FAM186B: variants seen among roughly 807,000 people sequenced by gnomAD.
FAM186B encodes the protein family with sequence similarity 186 member B.
A neutral mutation model predicts 83.4 loss-of-function variants in FAM186B; 68 were observed. The ratio of observed to expected loss-of-function variants is 0.81; its 90% confidence interval spans 0.67 to 1.00. FAM186B has a LOEUF of 1.00. Ranked by LOEUF, FAM186B falls within the 50% of genes least tolerant of loss-of-function variation. The probability of loss-of-function intolerance (pLI) is 0.00; values close to 1 mark genes in which losing one functional copy is unlikely to be tolerated. For missense variants in FAM186B, 983 were observed against 1,099.2 expected (o/e 0.89, Z 1.49); for synonymous variants, 389 against 422.0 (o/e 0.92, Z 0.96).
chr12:49,605,039 C>T (rs1041058092), intron 1 of FAM186B, among the ~76,000 whole-genome samples: 38 of 152,146 alleles, frequency 2.5e-4, no homozygotes, highest in African/African-American at 8.4e-4. Context: ...CTGGGCTCAG[C>T]TTGGGGGATT....
At chr12:49,613,850 C>T in the FAM186B span, among the ~76,000 whole-genome samples, 18 of 147,216 alleles carry the variant, frequency 1.2e-4, no homozygotes, top group Non-Finnish European at 2.1e-4. Flanking sequence ...AAAACAAAAA[C>T]GAACAAAATA....
chr12:49,592,943 A>G (rs1457464230), intron 5 of FAM186B, among the ~76,000 whole-genome samples: 1 of 152,230 alleles, frequency 6.6e-6, no homozygotes, highest in African/African-American at 2.4e-5. Context: ...AATAGAAATG[A>G]AGAGCAAATT....
At position 49,587,722 on chromosome 12, in the gene FAM186B, C is replaced by T. The variant is rs756972484; in HGVS notation, c.2565G>A (p.Trp855Ter). The T allele has an allele frequency of 1.9e-6, 3 of 1,614,000 alleles. No individual in the cohort carries two copies. Among genetic ancestry groups the T allele is most frequent in the South Asian group, 2.2e-5 (2 of 91,076 alleles). ...AACTGGAGGAGGCCACCTCGGTCTTCCAGACAGCCTCCATCTGCTTCCCCT... is the reference window on the plus strand; with the variant it reads ...AACTGGAGGAGGCCACCTCGGTCTTTCAGACAGCCTCCATCTGCTTCCCCT... ...RQQGKQMEAV[W>*]KTEVASSSYA... Residue 855 changes from tryptophan to a stop codon, truncating the protein, a stop_gained, in exon 7 of 7, where the codon TGG (tryptophan) becomes TGA (stop). Transcript: ENST00000257894. LOFTEE classifies it low-confidence loss of function (END_TRUNC).
the FAM186B span, among the ~76,000 whole-genome samples, chr12:49,620,672 G>T: frequency 6.6e-6 from 1 of 152,094 alleles, no homozygotes; most frequent in African/African-American, 2.4e-5. Flanking sequence ...AATAACTTAT[G>T]AATTCTAGTT....
downstream of FAM186B, among the ~76,000 whole-genome samples, chr12:49,584,775 C>T (rs1348564689): frequency 6.6e-6 from 1 of 152,216 alleles, no homozygotes; most frequent in Non-Finnish European, 1.5e-5. Context: ...CTCCCAAGTC[C>T]CAGGGGCTCT....
At chr12:49,621,513 T>A in the FAM186B span, among the ~76,000 whole-genome samples, 4 of 152,200 alleles carry the variant, frequency 2.6e-5, no homozygotes, top group South Asian at 4.1e-4. Flanking sequence ...CCAGCAGTGA[T>A]GTCTTCAAGA....
the FAM186B span, among the ~76,000 whole-genome samples, chr12:49,610,752 T>C: frequency 1.2e-3 from 179 of 144,696 alleles, no homozygotes; most frequent in Middle Eastern, 3.7e-3. Flanking sequence ...ATTGCGCCAC[T>C]GCACTCCAGC....
chr12:49,590,611 G>C (rs138194007), intron 5 of FAM186B, among the ~76,000 whole-genome samples: 109 of 152,218 alleles, frequency 7.2e-4, no homozygotes, highest in Admixed American at 2.0e-3. Flanking sequence ...TGGTGGGGAG[G>C]GGGTGAAAGA....
chr12:49,612,793 T>C, the FAM186B span, among the ~76,000 whole-genome samples: 2 of 152,102 alleles, frequency 1.3e-5, no homozygotes, highest in Non-Finnish European at 2.9e-5. Flanking sequence ...TTGGGAGACT[T>C]TAACACCCCA....
At chr12:49,590,592 A>G (rs1939560184) in intron 5 of FAM186B, among the ~76,000 whole-genome samples, 1 of 152,166 alleles carries the variant, frequency 6.6e-6, no homozygotes, top group Non-Finnish European at 1.5e-5. Context: ...CTGCCAAGGT[A>G]AAGTGGGGTG....
chr12:49,600,329 T>A lies in FAM186B; in HGVS notation c.1311A>T (p.Leu437Phe). ...CCTCCTGGTCTTTGTCTTTGTGGCC[T>A]AAGCTTTCTGCCACCGGTCTTTCCC... Reference protein sequence around the residue: ...KKWERPVAESLGHKDKDQEDY... With the variant: ...KKWERPVAESFGHKDKDQEDY... Residue 437 changes from leucine to phenylalanine, a missense_variant, in exon 4 of 7, where the codon TTA becomes TTT. Transcript: ENST00000257894. The surrounding 1 kb of genome is among the most constrained non-coding windows in gnomAD (Gnocchi z 4.3). 6.2e-7 allele frequency: 1 copy of A among 1,614,164 alleles called. No individual in the cohort carries two copies. The highest frequency in any genetic ancestry group is 8.5e-7 in the Non-Finnish European group (1 of 1,180,032).
Position 49,592,956 on chromosome 12 carries a change from A to G in FAM186B, c.2365-4333T>C, listed in dbSNP as rs548566745. The G allele has an allele frequency of 2.6e-5, 4 of 152,348 alleles. No individual in the cohort carries two copies. In the South Asian group the frequency reaches 8.3e-4, roughly 32 times the overall value. 9.4% of individuals were successfully genotyped at this position (152,348 alleles called of 1,614,324 possible). ...CAAATAGAAATGAAGAGCAAATTAT[A>G]TATTTAAACTCAACTGCGTTGATAA... On this transcript the variant is annotated intron_variant, in intron 5 of 6. Transcript: ENST00000257894.
At chr12:49,619,667 CTTTTTTT>C in the FAM186B span, 195 of 145,932 alleles carry the variant, frequency 1.3e-3, no homozygotes, top group Middle Eastern at 5.2e-3. Flanking sequence ...TTAGACATCT[CTTTTTTT>C]TTTTTTTTTT....
chr12:49,607,241 A>G (rs1264141540), upstream of FAM186B, among the ~76,000 whole-genome samples: 1 of 152,148 alleles, frequency 6.6e-6, no homozygotes, highest in Non-Finnish European at 1.5e-5. Context: ...AAGAAAATCA[A>G]TGCAACTAAA....
chr12:49,609,824 C>T (rs1191287346), upstream of FAM186B, among the ~76,000 whole-genome samples: 1 of 152,244 alleles, frequency 6.6e-6, no homozygotes, highest in Non-Finnish European at 1.5e-5. Flanking sequence ...GACAGGCCTG[C>T]TCTGGTCCAG....
chr12:49,588,206 C>G, intron 6 of FAM186B, among the ~76,000 whole-genome samples: 1 of 152,190 alleles, frequency 6.6e-6, no homozygotes, highest in East Asian at 1.9e-4. Context: ...AGAGTCTTTC[C>G]GTCGCATAGT....
chr12:49,589,199 C>T (rs1243429420), intron 5 of FAM186B, among the ~76,000 whole-genome samples: 2 of 152,218 alleles, frequency 1.3e-5, no homozygotes, highest in African/African-American at 4.8e-5. Flanking sequence ...ACCAATGCCT[C>T]AGCATGCTGC....
chr12:49,607,098 A>G (rs1235110235), upstream of FAM186B, among the ~76,000 whole-genome samples: 6 of 152,170 alleles, frequency 3.9e-5, no homozygotes, highest in Non-Finnish European at 7.3e-5. Context: ...ACATATCACA[A>G]TTTTGAGGAT....
intron 6 of FAM186B, 140 bp from the exon 7 acceptor site, chr12:49,587,892 C>T (rs1005249083): frequency 4.4e-6 from 4 of 907,530 alleles, no homozygotes; most frequent in African/African-American, 3.4e-5. Context: ...TCCTCATCTC[C>T]CCTCCAACAC....
Sources: gnomAD v4.1 joint callset for allele counts (sites outside exome capture counted in the v4.1 genomes callset) on GRCh38, gnomAD v4.1.1 for gene constraint, Gnocchi (gnomAD v3.1) non-coding constraint, MANE v1.5 for transcripts, NCBI Gene and HGNC (gene_info 2026-07-23, HGNC 2026-07-21) for gene names.